Variants in TTC23 observed in about 807,000 individuals in gnomAD.
TTC23 encodes tetratricopeptide repeat protein 23.
In TTC23, 58 loss-of-function variants were observed where a neutral mutation model predicts 55.1. That is an observed-to-expected ratio of 1.05 (90% CI 0.85 to 1.31). The LOEUF (loss-of-function observed/expected upper bound fraction) is 1.31, where lower values mean the gene tolerates loss of function less well. Ranked by LOEUF, TTC23 falls within the 50% of genes most tolerant of loss-of-function variation. The pLI, the probability that TTC23 is intolerant of heterozygous loss-of-function variation, is 0.00. For synonymous variants in TTC23, 203 were observed against 199.9 expected (o/e 1.02, Z -0.13); for missense variants, 516 against 534.4 (o/e 0.97, Z 0.34).
In TTC23 at chr15:99,221,831, C is replaced by A; in HGVS notation, c.214G>T (p.Val72Leu). ...CCATAGCAAATTCTTGTCAGTGCTACGCAACGCACAAGCTCATGGACGGCC... is the reference window on the plus strand; with the variant it reads ...CCATAGCAAATTCTTGTCAGTGCTAAGCAACGCACAAGCTCATGGACGGCC... The part of the protein sequence containing the change: ...KQAVHELVRC[V>L]ALTRICYGDS... Residue 72 changes from valine to leucine, a missense_variant, in exon 6 of 14, where the codon GTA becomes TTA. Coordinates refer to ENST00000394132, the MANE Select transcript of TTC23 (RefSeq NM_001288615.3). The A allele has an allele frequency of 6.2e-7, 1 of 1,614,142 alleles. No homozygotes were observed. Among genetic ancestry groups the A allele is most frequent in the Non-Finnish European group, 8.5e-7 (1 of 1,180,012 alleles).
chr15:99,166,950 T>C (rs2072192820), intron 10 of TTC23, among the ~76,000 whole-genome samples: 1 of 152,220 alleles, frequency 6.6e-6, no homozygotes. Flanking sequence ...ACCACTTTTA[T>C]CTTTATCTAG....
intron 4 of TTC23, among the ~76,000 whole-genome samples, chr15:99,231,793 G>C (rs1353053972): frequency 6.7e-6 from 1 of 150,324 alleles, no homozygotes; most frequent in Non-Finnish European, 1.5e-5. Flanking sequence ...CGCCTGGCCT[G>C]TTTGTTTGTT....
chr15:99,208,252 A>T (rs1188945505), intron 8 of TTC23, among the ~76,000 whole-genome samples: 1 of 151,986 alleles, frequency 6.6e-6, no homozygotes, highest in Admixed American at 6.6e-5. Context: ...GACAAATTTT[A>T]TATATATATA....
intron 10 of TTC23, among the ~76,000 whole-genome samples, chr15:99,166,225 G>C (rs561887152): frequency 6.6e-6 from 1 of 152,262 alleles, no homozygotes; most frequent in South Asian, 2.1e-4. Context: ...GGACACAGCC[G>C]CACCTCACAT....
At chr15:99,192,342 C>A (rs1455608810) in intron 9 of TTC23, among the ~76,000 whole-genome samples, 5 of 152,140 alleles carry the variant, frequency 3.3e-5, no homozygotes, top group Admixed American at 3.3e-4. Flanking sequence ...CCATCACAGG[C>A]CTGGAGGCTT....
At chr15:99,231,883 C>G (rs994098613) in intron 4 of TTC23, among the ~76,000 whole-genome samples, 16 of 151,650 alleles carry the variant, frequency 1.1e-4, no homozygotes, top group African/African-American at 2.9e-4. Context: ...ACCTCTACCC[C>G]CCAGGTTCAA....
In TTC23 at chr15:99,186,140, T is replaced by C. The variant is rs2074640540; in HGVS notation, c.760-10985A>G. The stretch of plus-strand genomic sequence containing the variant: ...GGATTGAAAAATGTTTAATAATTAC[T>C]GTTAAGAAATAAAAGTAGCTTATAC... On this transcript the variant is annotated intron_variant, in intron 9 of 13. Transcript: ENST00000394132. Among the ~76,000 whole-genome samples, 3 of 152,230 alleles carry C rather than the reference T, an allele frequency of 2.0e-5. No homozygotes were observed. In the East Asian group the frequency reaches 5.8e-4, roughly 29 times the overall value.
At position 99,245,233 on chromosome 15, in the gene TTC23, C is replaced by T. The variant is rs182113680; in HGVS notation, c.-309+156G>A. Among the ~76,000 whole-genome samples the T allele has an allele frequency of 2.6e-5, 4 of 152,140 alleles. 1 individual carries two copies. The East Asian group carries it at 5.8e-4, about 22-fold the overall frequency. ...GGCATAAGAAATGACATATAGAGGC[C>T]GGGCGTGGTGGCTCATGCCTGTAAT... is the stretch of plus-strand genomic sequence containing the variant. On this transcript the variant is annotated intron_variant, in intron 2 of 13. Coordinates refer to ENST00000394132, the MANE Select transcript of TTC23 (RefSeq NM_001288615.3).
At chr15:99,211,597 G>GA (rs1174173978) in intron 8 of TTC23, among the ~76,000 whole-genome samples, 2 of 151,110 alleles carry the variant, frequency 1.3e-5, no homozygotes, top group African/African-American at 4.9e-5. Flanking sequence ...CAGCAGAAAG[G>GA]AAAATGTTCA....
intron 9 of TTC23, among the ~76,000 whole-genome samples, chr15:99,190,020 A>AT (rs1208610823): frequency 1.3e-5 from 2 of 152,020 alleles, no homozygotes; most frequent in Non-Finnish European, 1.5e-5. Flanking sequence ...CTACAAAAAA[A>AT]ATATACAAAA....
At chr15:99,176,802 A>G (rs1365127807) in intron 9 of TTC23, among the ~76,000 whole-genome samples, 4 of 152,182 alleles carry the variant, frequency 2.6e-5, no homozygotes, top group African/African-American at 7.2e-5. Context: ...GGTGATTATG[A>G]TATCTCACAG....
intron 6 of TTC23, among the ~76,000 whole-genome samples, chr15:99,221,180 G>A (rs1312227906): frequency 6.6e-6 from 1 of 151,522 alleles, no homozygotes; most frequent in African/African-American, 2.4e-5. Flanking sequence ...ACCTGGCAAA[G>A]AATGGAGCAA....
intron 12 of TTC23, among the ~76,000 whole-genome samples, chr15:99,150,149 G>A (rs72756855): frequency 0.022 from 3,342 of 152,328 alleles, 54 homozygotes; most frequent in Non-Finnish European, 0.034. Context: ...CGGCCTGCAA[G>A]GCCTGCACGT....
chr15:99,181,460 C>T (rs946463002), intron 9 of TTC23, among the ~76,000 whole-genome samples: 4 of 152,104 alleles, frequency 2.6e-5, no homozygotes, highest in African/African-American at 9.6e-5. Flanking sequence ...CGAGAGTCTA[C>T]GACTCTGCTT....
chr15:99,173,670 T>C (rs931248673), intron 10 of TTC23, among the ~76,000 whole-genome samples: 5 of 152,160 alleles, frequency 3.3e-5, no homozygotes, highest in Non-Finnish European at 7.3e-5. Flanking sequence ...AAAGGAGCTC[T>C]GCCAATATAA....
intron 4 of TTC23, among the ~76,000 whole-genome samples, chr15:99,234,647 C>T (rs542668292): frequency 2.0e-5 from 3 of 152,274 alleles, no homozygotes; most frequent in Admixed American, 6.5e-5. Flanking sequence ...GCTGGGATTA[C>T]AGGTGTGAGC....
intron 3 of TTC23, among the ~76,000 whole-genome samples, chr15:99,238,942 T>C (rs1357463497): frequency 3.3e-5 from 5 of 152,186 alleles, no homozygotes; most frequent in East Asian, 1.9e-4. Flanking sequence ...CTTATGGAAA[T>C]AGCACTTTAA....
intron 9 of TTC23, among the ~76,000 whole-genome samples, chr15:99,179,343 CCT>C (rs2073905548): frequency 6.6e-6 from 1 of 152,336 alleles, no homozygotes; most frequent in Admixed American, 6.5e-5. Flanking sequence ...TCCACCGCCC[CCT>C]GACATTCTCA....
intron 12 of TTC23, among the ~76,000 whole-genome samples, chr15:99,143,169 C>G: frequency 6.6e-6 from 1 of 152,240 alleles, no homozygotes. Context: ...CATTAAATGA[C>G]TACTCTTCCA....
Sources: gnomAD v4.1 joint callset for allele counts (sites outside exome capture counted in the v4.1 genomes callset) on GRCh38, gnomAD v4.1.1 for gene constraint, MANE v1.5 for transcripts, NCBI Gene and HGNC (gene_info 2026-07-23, HGNC 2026-07-21) for gene names.